Variants in TRMT61B observed in about 807,000 individuals in gnomAD.
TRMT61B encodes the protein tRNA methyltransferase 61B.
TRMT61B carries 56 observed loss-of-function variants against 52.0 expected under a neutral mutation model. The ratio of observed to expected loss-of-function variants is 1.08; its 90% CI spans 0.87 to 1.35. The LOEUF (loss-of-function observed/expected upper bound fraction) is 1.35, where lower values mean the gene tolerates loss of function less well. Ranked by LOEUF, TRMT61B falls within the 40% of genes most tolerant of loss-of-function variation. The pLI, the probability that TRMT61B is intolerant of heterozygous loss-of-function variation, is 0.00. For missense variants in TRMT61B, 650 were observed against 577.9 expected (o/e 1.12, Z -1.28); for synonymous variants, 206 against 220.0 (o/e 0.94, Z 0.56).
chr2:28,858,753 C>A (rs1478890836), intron 3 of TRMT61B, among the ~76,000 whole-genome samples: 3 of 135,936 alleles, frequency 2.2e-5, no homozygotes, highest in Non-Finnish European at 1.5e-5. Flanking sequence ...CAAGATCATA[C>A]CACTGTACTC....
At chr2:28,864,040 C>T (rs926908427) in intron 2 of TRMT61B, among the ~76,000 whole-genome samples, 1 of 151,950 alleles carries the variant, frequency 6.6e-6, no homozygotes, top group African/African-American at 2.4e-5. Flanking sequence ...GTTTAATATA[C>T]ACCTCTTGAT....
chr2:28,864,060 G>A (rs1284669192), intron 2 of TRMT61B, among the ~76,000 whole-genome samples: 1 of 151,812 alleles, frequency 6.6e-6, no homozygotes, highest in Non-Finnish European at 1.5e-5. Context: ...TTTTTGATCA[G>A]ACACCCACCT....
At chr2:28,859,151 C>A (rs930099610) in intron 3 of TRMT61B, among the ~76,000 whole-genome samples, 1 of 152,134 alleles carries the variant, frequency 6.6e-6, no homozygotes, top group South Asian at 2.1e-4. Flanking sequence ...GCGATCTCGG[C>A]TCACTGCAAG....
intron 5 of TRMT61B, 116 bp from the exon 6 acceptor site, chr2:28,850,521 C>T: frequency 1.5e-6 from 1 of 680,672 alleles, no homozygotes; most frequent in East Asian, 2.8e-5. Flanking sequence ...TATTTATTTC[C>T]TTGCATATGT....
At chr2:28,860,308 A>AT (rs1669550032) in intron 3 of TRMT61B, among the ~76,000 whole-genome samples, 1 of 112,302 alleles carries the variant, frequency 8.9e-6, no homozygotes, top group Non-Finnish European at 1.9e-5. Context: ...AAAAAAAAAG[A>AT]TTTTCTCTCC....
chr2:28,861,126 A>G lies in TRMT61B; in HGVS notation c.985T>C (p.Phe329Leu). 1.3e-6 allele frequency: 2 copies of G among 1,599,704 alleles called. No homozygotes were observed. The highest frequency in any genetic ancestry group is 1.1e-5 in the South Asian group (1 of 88,186). Residue 329 changes from phenylalanine to leucine, a missense_variant, in exon 3 of 7, where the codon TTT becomes CTT. Physicochemically the swap from Phe to Leu is conservative, Grantham distance 22 (BLOSUM62 0). Transcript: ENST00000306108. ...CACGTTAGAAAACTTACTGCGTCAA[A>G]TGTTAAAGATTTTATGTCTTCGGTT... is the stretch of plus-strand genomic sequence containing the variant. ...GATEDIKSLTFDAVALDMLNP... is the reference protein window; with the variant it reads ...GATEDIKSLTLDAVALDMLNP...
intron 3 of TRMT61B, among the ~76,000 whole-genome samples, chr2:28,854,069 T>C (rs139817637): frequency 6.6e-6 from 1 of 152,204 alleles, no homozygotes; most frequent in Non-Finnish European, 1.5e-5. Flanking sequence ...TACTAAATGA[T>C]AAAATATTAG....
At position 28,850,361 on chromosome 2, in the gene TRMT61B, C is replaced by G; in HGVS notation, c.1357G>C (p.Ala453Pro). ...DFPYGSFPYV[A>P]RPVHWQPGHT... Reference sequence around the variant, plus strand: ...CCAGGTTGCCAGTGTACTGGTCTAGCAACATAGGGAAATGATCCATATGGA... The same window carrying G: ...CCAGGTTGCCAGTGTACTGGTCTAGGAACATAGGGAAATGATCCATATGGA... Residue 453 changes from alanine (A) to proline (P), a missense_variant, in exon 6 of 7, where the codon GCT becomes CCT. By Grantham distance (27) the Ala-to-Pro change is conservative. Transcript: ENST00000306108. 1.2e-6 allele frequency: 2 copies of G among 1,610,910 alleles called. No homozygotes were observed. The highest frequency in any genetic ancestry group is 1.7e-6 in the Non-Finnish European group (2 of 1,178,490).
intron 2 of TRMT61B, among the ~76,000 whole-genome samples, chr2:28,862,204 C>CAAAAA (rs66527180): frequency 1.8e-4 from 12 of 65,460 alleles, no homozygotes; most frequent in African/African-American, 2.5e-4. Context: ...GACTCCGTCT[C>CAAAAA]AAAAAAAAAA....
chr2:28,869,009 A>G (rs940619080), intron 1 of TRMT61B, among the ~76,000 whole-genome samples: 4 of 152,236 alleles, frequency 2.6e-5, no homozygotes, highest in Non-Finnish European at 5.9e-5. Flanking sequence ...GTCTTAAAAA[A>G]AAGACTGAAA....
chr2:28,852,429 A>T lies in TRMT61B; in HGVS notation c.1064T>A (p.Val355Glu). Residue 355 changes from valine (V) to glutamate (E), a missense_variant, in exon 4 of 7, where the codon GTA becomes GAA. By Grantham distance (121) the Val-to-Glu change is moderately radical (BLOSUM62 -2). Coordinates refer to ENST00000306108, the MANE Select transcript of TRMT61B (RefSeq NM_017910.4). The part of the protein sequence containing the change: ...VFYPHLKHGG[V>E]CAVYVVNITQ... ...TCACTTTACTACATATACAGCACAT[A>T]CACCACCATGCTTAAGATGTGGGTA... is the stretch of plus-strand genomic sequence containing the variant. 6.2e-7 allele frequency: 1 copy of T among 1,607,310 alleles called. No individual in the cohort carries two copies. Among genetic ancestry groups the T allele is most frequent in the Non-Finnish European group, 8.5e-7 (1 of 1,174,464 alleles).
rs568179878 is a variant in TRMT61B at position 28,856,682 on chromosome 2, T to G, written c.994-4183A>C. Among the ~76,000 whole-genome samples the G allele has an allele frequency of 3.3e-3, 497 of 152,204 alleles. 2 individuals are homozygous for G. Among genetic ancestry groups the G allele is most frequent in the African/African-American group, 0.011 (453 of 41,542 alleles). On this transcript the variant is annotated intron_variant, in intron 3 of 6. Transcript: ENST00000306108. ...TGGAGTCTCATCCTGTCGCCCAGGT[T>G]GGAGTACAATGGTGCGATCGTAGCT...
In TRMT61B at chr2:28,851,264, G is replaced by A. The variant is rs781061232; in HGVS notation, c.1120C>T (p.Arg374Cys). 7.1e-5 allele frequency: 114 copies of A among 1,612,958 alleles called. No homozygotes were observed. The highest frequency in any genetic ancestry group is 7.9e-5 in the Non-Finnish European group (93 of 1,179,640). The change falls in exon 5 of 7, where the codon CGC becomes TGC. Residue 374 changes from arginine to cysteine, a missense_variant. Transcript: ENST00000306108. Reference sequence around the variant, plus strand: ...CATGAAAGAGCAAGTTCACAGGTGCGAATTCCATCTAAAAGTTCAATAACC... The same window carrying A: ...CATGAAAGAGCAAGTTCACAGGTGCAAATTCCATCTAAAAGTTCAATAACC... ...TQVIELLDGI[R>C]TCELALSCEK...
At chr2:28,858,121 A>G (rs1438471128) in intron 3 of TRMT61B, among the ~76,000 whole-genome samples, 1 of 151,192 alleles carries the variant, frequency 6.6e-6, no homozygotes, top group African/African-American at 2.4e-5. Context: ...GCTCACTGCA[A>G]GCTCCGCCTC....
intron 3 of TRMT61B, among the ~76,000 whole-genome samples, chr2:28,859,356 C>T (rs1275138352): frequency 6.6e-6 from 1 of 152,192 alleles, no homozygotes; most frequent in African/African-American, 2.4e-5. Context: ...GCTGGGATTA[C>T]AGGCGTGAGC....
At chr2:28,866,824 G>C (rs1400502616) in intron 1 of TRMT61B, among the ~76,000 whole-genome samples, 1 of 152,104 alleles carries the variant, frequency 6.6e-6, no homozygotes, top group Non-Finnish European at 1.5e-5. Context: ...CTTGGTGACA[G>C]GGTCTCTGTC....
Position 28,865,050 on chromosome 2 carries a change from A to G in TRMT61B, c.769T>C (p.Ser257Pro), listed in dbSNP as rs185574768. ...GATAAAAATAAGCTCATTCCACCAG[A>G]GCCTGAGCCAGCTTCCAAAACAGTA... Reference protein sequence around the residue: ...GDTVLEAGSGSGGMSLFLSKA... With the variant: ...GDTVLEAGSGPGGMSLFLSKA... The change falls in exon 2 of 7, where the codon TCT becomes CCT. Residue 257 changes from serine (S) to proline (P), a missense_variant. Physicochemically the swap from Ser to Pro is moderately conservative, Grantham distance 74. Transcript: ENST00000306108. The G allele has an allele frequency of 1.9e-6, 3 of 1,613,076 alleles. No individual in the cohort carries two copies. The Admixed American group carries it at 5.0e-5, about 27-fold the overall frequency.
chr2:28,856,845 C>T (rs1669365364), intron 3 of TRMT61B, among the ~76,000 whole-genome samples: 1 of 151,974 alleles, frequency 6.6e-6, no homozygotes, highest in Non-Finnish European at 1.5e-5. Context: ...CCATGTTGGC[C>T]AGGCTGGTCT....
chr2:28,869,002 T>G (rs1669966293), intron 1 of TRMT61B, among the ~76,000 whole-genome samples: 1 of 152,146 alleles, frequency 6.6e-6, no homozygotes, highest in Admixed American at 6.5e-5. Context: ...AGAACTTGTC[T>G]TAAAAAAAAG....
Sources: gnomAD v4.1 joint callset for allele counts (sites outside exome capture counted in the v4.1 genomes callset) on GRCh38, gnomAD v4.1.1 for gene constraint, MANE v1.5 for transcripts, NCBI Gene and HGNC (gene_info 2026-07-23, HGNC 2026-07-21) for gene names.